BTBD9: variants seen among roughly 807,000 people sequenced by gnomAD.
The protein encoded by BTBD9 is BTB/POZ domain-containing protein 9.
In BTBD9, 49 loss-of-function variants were observed where a neutral mutation model predicts 64.3. The ratio of observed to expected loss-of-function variants is 0.76; its 90% CI spans 0.61 to 0.97. BTBD9 has a LOEUF of 0.97. Among genes scored for constraint, BTBD9 ranks in the 50% least tolerant of loss-of-function variants. BTBD9 has a pLI of 0.00. For synonymous variants in BTBD9, 260 were observed against 274.7 expected (o/e 0.95, Z 0.53); for missense variants, 598 against 762.1 (o/e 0.78, Z 2.53).
chr6:38,487,577 C>G (rs1188133113), intron 6 of BTBD9, among the ~76,000 whole-genome samples: 3 of 111,034 alleles, frequency 2.7e-5, no homozygotes, highest in South Asian at 3.0e-4. Context: ...GCGAGAGAGA[C>G]AGAGAGAGAG....
chr6:38,592,496 T>C (rs1776843634), intron 4 of BTBD9, 80 bp downstream of exon 4: 1 of 1,461,058 alleles, frequency 6.8e-7, no homozygotes. Context: ...ACTACACGGT[T>C]CTGTAGTAGC....
At chr6:38,507,857 G>A (rs998187434) in intron 6 of BTBD9, among the ~76,000 whole-genome samples, 93 of 137,338 alleles carry the variant, frequency 6.8e-4, no homozygotes, top group African/African-American at 2.2e-3. Flanking sequence ...TTTTTGAGAC[G>A]GAGTCTCGCT....
intron 6 of BTBD9, among the ~76,000 whole-genome samples, chr6:38,522,704 C>A (rs1437701294): frequency 6.6e-6 from 1 of 152,164 alleles, no homozygotes; most frequent in Non-Finnish European, 1.5e-5. Context: ...ATCAGTCCTT[C>A]TTCTTGAGTT....
At chr6:38,283,761 T>A (rs947542779) in intron 8 of BTBD9, among the ~76,000 whole-genome samples, 1 of 152,204 alleles carries the variant, frequency 6.6e-6, no homozygotes, top group Non-Finnish European at 1.5e-5. Flanking sequence ...GGGGAAACTG[T>A]TAAGTCACTG....
intron 9 of BTBD9, among the ~76,000 whole-genome samples, chr6:38,205,923 C>CAAAAAAAAAAAAA (rs1762631493): frequency 8.7e-6 from 1 of 115,550 alleles, no homozygotes; most frequent in African/African-American, 3.2e-5. Flanking sequence ...TTATGGGATC[C>CAAAAAAAAAAAAA]ACAAAACAGA....
intron 1 of BTBD9, among the ~76,000 whole-genome samples, chr6:38,620,635 G>A (rs1777951561): frequency 6.6e-6 from 1 of 152,126 alleles, no homozygotes; most frequent in Admixed American, 6.6e-5. Flanking sequence ...CATCTAAACC[G>A]AAGGCCCAGC....
chr6:38,340,723 G>A (rs1764065249), intron 7 of BTBD9, among the ~76,000 whole-genome samples: 1 of 151,964 alleles, frequency 6.6e-6, no homozygotes, highest in African/African-American at 2.4e-5. Context: ...CTCTTTCTAG[G>A]GACTAAATGA....
At chr6:38,208,529 G>T (rs1369729480) in intron 9 of BTBD9, among the ~76,000 whole-genome samples, 1 of 152,116 alleles carries the variant, frequency 6.6e-6, no homozygotes, top group African/African-American at 2.4e-5. Context: ...TCCCCGCTAG[G>T]TCCCCAAAGG....
chr6:38,461,530 A>G (rs112632455), intron 6 of BTBD9, among the ~76,000 whole-genome samples: 1 of 152,216 alleles, frequency 6.6e-6, no homozygotes, highest in African/African-American at 2.4e-5. Context: ...ATTTTATTGT[A>G]CACAATAAAT....
At chr6:38,255,175 A>G (rs1487092154) in intron 9 of BTBD9, among the ~76,000 whole-genome samples, 1 of 152,262 alleles carries the variant, frequency 6.6e-6, no homozygotes, top group Non-Finnish European at 1.5e-5. Context: ...CACATACTAT[A>G]TGATTCCATT....
At chr6:38,499,269 C>T (rs544968736) in intron 6 of BTBD9, among the ~76,000 whole-genome samples, 2 of 152,320 alleles carry the variant, frequency 1.3e-5, no homozygotes, top group South Asian at 2.1e-4. Flanking sequence ...AGGGACCGCC[C>T]GCTCTGCATT....
At chr6:38,395,996 A>G (rs2127627786) in intron 6 of BTBD9, among the ~76,000 whole-genome samples, 1 of 152,276 alleles carries the variant, frequency 6.6e-6, no homozygotes, top group Admixed American at 6.5e-5. Flanking sequence ...AGCATGAGCC[A>G]CCGCACCTGG....
At chr6:38,429,247 G>T (rs1411437344) in intron 6 of BTBD9, among the ~76,000 whole-genome samples, 3 of 151,102 alleles carry the variant, frequency 2.0e-5, no homozygotes, top group Non-Finnish European at 4.4e-5. Context: ...TTGAGGTCAG[G>T]AGTTCAAGAC....
intron 6 of BTBD9, among the ~76,000 whole-genome samples, chr6:38,379,785 C>T (rs1314380985): frequency 6.6e-6 from 1 of 152,022 alleles, no homozygotes; most frequent in African/African-American, 2.4e-5. Context: ...TTTGCATGAC[C>T]ACAGTGAAAA....
chr6:38,507,107 C>T (rs1772560291), intron 6 of BTBD9, among the ~76,000 whole-genome samples: 3 of 152,214 alleles, frequency 2.0e-5, no homozygotes. Flanking sequence ...TTTAAAATAA[C>T]ACCTTCTCAA....
chr6:38,228,529 C>G (rs1470370521), intron 9 of BTBD9, among the ~76,000 whole-genome samples: 2 of 151,840 alleles, frequency 1.3e-5, no homozygotes, highest in African/African-American at 4.8e-5. Flanking sequence ...TACGGAAAAT[C>G]TCTGTACCTT....
chr6:38,366,340 C>A (rs1009435182), intron 6 of BTBD9, among the ~76,000 whole-genome samples: 6 of 152,302 alleles, frequency 3.9e-5, no homozygotes, highest in Non-Finnish European at 8.8e-5. Flanking sequence ...CCTCTAGCTT[C>A]CTTTCAAGGA....
intron 7 of BTBD9, among the ~76,000 whole-genome samples, chr6:38,293,383 A>G (rs1762034765): frequency 6.6e-6 from 1 of 152,222 alleles, no homozygotes; most frequent in East Asian, 1.9e-4. Flanking sequence ...AAAAAAGAAC[A>G]AAGCTGGAGG....
At chr6:38,185,451 G>A (rs901499443) in intron 10 of BTBD9, among the ~76,000 whole-genome samples, 11 of 152,174 alleles carry the variant, frequency 7.2e-5, no homozygotes, top group African/African-American at 1.9e-4. Flanking sequence ...GCACATTGCC[G>A]TCTATTATGC....
Sources: gnomAD v4.1 joint callset for allele counts (sites outside exome capture counted in the v4.1 genomes callset) on GRCh38, gnomAD v4.1.1 for gene constraint, MANE v1.5 for transcripts, NCBI Gene and HGNC (gene_info 2026-07-23, HGNC 2026-07-21) for gene names.